The following TAPT1 variants were observed in gnomAD, a reference collection of about 807,000 sequenced individuals.
TAPT1 encodes the protein transmembrane anterior posterior transformation 1, also known as transmembrane anterior posterior transformation protein 1 homolog.
TAPT1 carries 28 observed loss-of-function variants against 65.6 expected under a neutral mutation model. The observed-to-expected ratio is 0.43, with a 90% CI of 0.32 to 0.59. The LOEUF (loss-of-function observed/expected upper bound fraction) is 0.59. Ranked by LOEUF, TAPT1 falls within the 20% of genes least tolerant of loss-of-function variation. The pLI is 0.09. For synonymous variants in TAPT1, 278 were observed against 245.2 expected (o/e 1.13, Z -1.25); for missense variants, 563 against 679.9 (o/e 0.83, Z 1.91).
chr4:16,165,967 G>A (rs931244791), intron 13 of TAPT1, among the ~76,000 whole-genome samples: 4 of 152,130 alleles, frequency 2.6e-5, no homozygotes, highest in African/African-American at 7.2e-5. Flanking sequence ...TCAAAGCCCC[G>A]CAACAGCCCC....
At chr4:16,226,893 G>A (rs2108909148), upstream of TAPT1, 1 of 287,552 alleles carries the variant, frequency 3.5e-6, no homozygotes, top group Admixed American at 5.7e-5. Context: ...GCTGCCCGCA[G>A]TCTGCGAGGT....
At chr4:16,165,557 A>T (rs1416968921) in intron 13 of TAPT1, among the ~76,000 whole-genome samples, 1 of 147,186 alleles carries the variant, frequency 6.8e-6, no homozygotes, top group Non-Finnish European at 1.5e-5. Flanking sequence ...GCGACGGAGC[A>T]AAACTCCGTC....
chr4:16,226,119 C>G, intron 1 of TAPT1, 140 bp downstream of exon 1: 1 of 1,030,356 alleles, frequency 9.7e-7, no homozygotes, highest in Non-Finnish European at 1.2e-6. Context: ...TCGGCGGCTC[C>G]GCGCGCCCAC....
At chr4:16,190,928 A>G (rs952649401) in intron 4 of TAPT1, 2 of 157,854 alleles carry the variant, frequency 1.3e-5, no homozygotes, top group African/African-American at 4.8e-5. Context: ...GCAAACATAT[A>G]CATAATCATA....
intron 1 of TAPT1, among the ~76,000 whole-genome samples, chr4:16,222,894 G>A (rs1751337165): frequency 6.6e-6 from 1 of 152,158 alleles, no homozygotes. Context: ...GTTACCAGTA[G>A]AAACAATATG....
chr4:16,183,661 G>C (rs1327416795), intron 7 of TAPT1, among the ~76,000 whole-genome samples: 1 of 152,054 alleles, frequency 6.6e-6, no homozygotes, highest in Non-Finnish European at 1.5e-5. Context: ...ACCCAAAGGA[G>C]GTTACTAATA....
intron 2 of TAPT1, among the ~76,000 whole-genome samples, chr4:16,203,270 T>G (rs1024688428): frequency 6.6e-6 from 1 of 152,200 alleles, no homozygotes; most frequent in Non-Finnish European, 1.5e-5. Flanking sequence ...CAACTTTCTG[T>G]ATGTCTGACA....
intron 13 of TAPT1, among the ~76,000 whole-genome samples, chr4:16,164,888 T>C (rs974228080): frequency 2.0e-5 from 3 of 152,248 alleles, no homozygotes; most frequent in African/African-American, 7.2e-5. Context: ...TATTTTACTT[T>C]ATTTTCGCTT....
rs1747225697 is a variant in TAPT1, at chr4:16,161,246, A to G, written c.*2062T>C. ...ATACTTATTATACAGTGGGAAATTC[A>G]CTCTACCAAATACAATAGTAAATAT... On this transcript the variant is annotated 3_prime_UTR_variant, in exon 14 of 14. Coordinates refer to ENST00000405303, the MANE Select transcript of TAPT1 (RefSeq NM_153365.3). 6.6e-6 allele frequency: 1 copy of G among 152,644 alleles called. No individual in the cohort carries two copies. The highest frequency in any genetic ancestry group is 1.5e-5 in the Non-Finnish European group (1 of 68,044). The allele number at this position is 152,644 out of a possible 1,614,324, so 9.5% of individuals were successfully genotyped here. A position where few individuals can be genotyped will look rare whatever the true frequency, so the allele number is the denominator to read the frequency against.
intron 8 of TAPT1, among the ~76,000 whole-genome samples, chr4:16,177,111 T>C (rs1748383524): frequency 6.6e-6 from 1 of 152,232 alleles, no homozygotes; most frequent in Admixed American, 6.5e-5. Context: ...TAATCTACTG[T>C]GTATTTCAAA....
chr4:16,184,252 TAAATG>T (rs1748874708), intron 7 of TAPT1, among the ~76,000 whole-genome samples: 1 of 152,234 alleles, frequency 6.6e-6, no homozygotes, highest in African/African-American at 2.4e-5. Context: ...AAACTTCATA[TAAATG>T]AAATAATACA....
chr4:16,179,957 AGGTTCCTCCAATG>A, intron 7 of TAPT1, among the ~76,000 whole-genome samples: 1 of 152,298 alleles, frequency 6.6e-6, no homozygotes, highest in East Asian at 1.9e-4. Context: ...TGAGGTCATT[AGGTTCCTCCAATG>A]GGCTTTGGGG....
chr4:16,171,629 G>T (rs1286655913), intron 11 of TAPT1, among the ~76,000 whole-genome samples: 20 of 152,142 alleles, frequency 1.3e-4, no homozygotes, highest in Non-Finnish European at 2.9e-4. Context: ...CTGGGGCAAT[G>T]GCTTGTCATA....
intron 3 of TAPT1, among the ~76,000 whole-genome samples, chr4:16,199,129 A>C (rs1749889373): frequency 6.6e-6 from 1 of 152,204 alleles, no homozygotes; most frequent in Non-Finnish European, 1.5e-5. Context: ...TTTAAATGAA[A>C]ATTTAAGTTT....
intron 6 of TAPT1, 31 bp from the exon 7 acceptor site, chr4:16,186,635 T>G: frequency 6.8e-7 from 1 of 1,461,714 alleles, no homozygotes; most frequent in Non-Finnish European, 9.4e-7. Context: ...ACCATCTTTA[T>G]GATTATAACA....
intron 13 of TAPT1, among the ~76,000 whole-genome samples, chr4:16,166,432 T>C (rs531541585): frequency 1.9e-4 from 29 of 152,352 alleles, no homozygotes; most frequent in East Asian, 1.4e-3. Flanking sequence ...ATGCTCAATG[T>C]TGAACAGCGA....
intron 12 of TAPT1, among the ~76,000 whole-genome samples, chr4:16,168,159 G>A (rs1056177101): frequency 2.6e-5 from 4 of 152,012 alleles, no homozygotes; most frequent in African/African-American, 9.7e-5. Context: ...TGTCGCCCAG[G>A]CTGTGGTGCA....
intron 1 of TAPT1, among the ~76,000 whole-genome samples, chr4:16,221,803 C>T (rs1196366576): frequency 6.6e-6 from 1 of 152,128 alleles, no homozygotes; most frequent in African/African-American, 2.4e-5. Context: ...TAAGGTTACA[C>T]TAAAATATTA....
upstream of TAPT1, chr4:16,226,979 C>T (rs889143719): frequency 6.0e-5 from 27 of 449,222 alleles, no homozygotes; most frequent in South Asian, 1.3e-4. Flanking sequence ...CAGGTCTTGG[C>T]ACTGCTGGCG....
Sources: allele counts gnomAD v4.1 joint callset (sites outside exome capture counted in the v4.1 genomes callset), GRCh38; gene constraint gnomAD v4.1.1; transcripts MANE v1.5; gene names NCBI Gene and HGNC (gene_info 2026-07-23, HGNC 2026-07-21).